Variants in LOC128092252 observed in about 807,000 individuals in gnomAD.
the LOC128092252 span, among the ~76,000 whole-genome samples, chr15:50,668,403 A>T: frequency 6.6e-6 from 1 of 152,226 alleles, no homozygotes; most frequent in Admixed American, 6.5e-5. Context: ...TGAGTAAAGT[A>T]TACTCCTGTG....
At chr15:50,672,219 A>G in the LOC128092252 span, among the ~76,000 whole-genome samples, 6 of 151,964 alleles carry the variant, frequency 3.9e-5, no homozygotes, top group Non-Finnish European at 7.4e-5. Flanking sequence ...ACACCCAGCT[A>G]ATTTTTTGTA....
At chr15:50,678,905 G>A in the LOC128092252 span, among the ~76,000 whole-genome samples, 813 of 152,112 alleles carry the variant, frequency 5.3e-3, 8 homozygotes, top group African/African-American at 0.019. Context: ...ACGAAGTCTC[G>A]CTCTGTCACC....
chr15:50,659,505 A>T, the LOC128092252 span, among the ~76,000 whole-genome samples: 1 of 152,198 alleles, frequency 6.6e-6, no homozygotes. Flanking sequence ...CTGTAGAAAG[A>T]AGTGACGAGC....
chr15:50,677,383 G>C, the LOC128092252 span, among the ~76,000 whole-genome samples: 1 of 151,946 alleles, frequency 6.6e-6, no homozygotes, highest in East Asian at 1.9e-4. Context: ...CGGGGAGCGA[G>C]GGAGATCACA....
chr15:50,680,842 C>A, the LOC128092252 span, among the ~76,000 whole-genome samples: 1 of 152,160 alleles, frequency 6.6e-6, no homozygotes, highest in African/African-American at 2.4e-5. Context: ...AGGTCAACAC[C>A]TACTCTACCA....
chr15:50,671,401 T>C, the LOC128092252 span, among the ~76,000 whole-genome samples: 1 of 152,188 alleles, frequency 6.6e-6, no homozygotes, highest in Non-Finnish European at 1.5e-5. Context: ...TCTTTAAGAT[T>C]GAATGATATT....
chr15:50,679,536 ATATTTTT>A, the LOC128092252 span, among the ~76,000 whole-genome samples: 16 of 48,958 alleles, frequency 3.3e-4, no homozygotes, highest in East Asian at 3.3e-3. Context: ...ATATATATAT[ATATTTTT>A]TTTTTTTTTT....
chr15:50,652,073 C>G, the LOC128092252 span, among the ~76,000 whole-genome samples: 1 of 151,676 alleles, frequency 6.6e-6, no homozygotes, highest in Non-Finnish European at 1.5e-5. Context: ...TGGCTCATGC[C>G]TGTAATCCCA....
At chr15:50,670,889 G>A in the LOC128092252 span, among the ~76,000 whole-genome samples, 1 of 151,106 alleles carries the variant, frequency 6.6e-6, no homozygotes, top group South Asian at 2.1e-4. Flanking sequence ...AACATATTAA[G>A]TAGGCCAGGT....
At chr15:50,670,855 C>G in the LOC128092252 span, among the ~76,000 whole-genome samples, 2 of 143,288 alleles carry the variant, frequency 1.4e-5, no homozygotes, top group Non-Finnish European at 3.1e-5. Context: ...ATACTATCAA[C>G]AACTCTGTGC....
the LOC128092252 span, among the ~76,000 whole-genome samples, chr15:50,652,386 G>A: frequency 1.4e-4 from 20 of 144,664 alleles, no homozygotes; most frequent in African/African-American, 4.1e-4. Flanking sequence ...GAGAAAAATC[G>A]TGGGGGAAAG....
At chr15:50,679,360 C>T in the LOC128092252 span, among the ~76,000 whole-genome samples, 90 of 149,794 alleles carry the variant, frequency 6.0e-4, 1 homozygote, top group African/African-American at 1.5e-3. Context: ...AAAACTTGGA[C>T]GCTTGGACGT....
chr15:50,685,582 G>A, the LOC128092252 span, among the ~76,000 whole-genome samples: 12 of 152,178 alleles, frequency 7.9e-5, no homozygotes, highest in Non-Finnish European at 1.5e-4. Context: ...TTGAATTAGC[G>A]TCCAGTGAAA....
At chr15:50,662,898 T>C in the LOC128092252 span, 1 of 1,125,106 alleles carries the variant, frequency 8.9e-7, no homozygotes, top group Non-Finnish European at 1.3e-6. Context: ...TTGTTTCCAA[T>C]AAAGAAATAA....
At chr15:50,686,490 C>T in the LOC128092252 span, 3 of 1,614,128 alleles carry the variant, frequency 1.9e-6, no homozygotes, top group South Asian at 2.2e-5. Context: ...CGCCCGCAAC[C>T]CCAGAACCAT....
chr15:50,667,443 C>T, the LOC128092252 span, among the ~76,000 whole-genome samples: 18 of 152,180 alleles, frequency 1.2e-4, no homozygotes, highest in Non-Finnish European at 2.5e-4. Context: ...CAGTGGTTCA[C>T]GCCTGTAATC....
the LOC128092252 span, chr15:50,662,945 G>A: frequency 3.2e-6 from 5 of 1,565,118 alleles, no homozygotes; most frequent in Non-Finnish European, 8.8e-7. Context: ...GAAGACCCCA[G>A]AAGTAACAAA....
the LOC128092252 span, among the ~76,000 whole-genome samples, chr15:50,657,978 A>G: frequency 6.6e-6 from 1 of 151,998 alleles, no homozygotes; most frequent in Admixed American, 6.6e-5. Flanking sequence ...TATAATTCAA[A>G]TAACTATTTT....
At chr15:50,671,162 C>T in the LOC128092252 span, among the ~76,000 whole-genome samples, 1 of 152,044 alleles carries the variant, frequency 6.6e-6, no homozygotes, top group African/African-American at 2.4e-5. Context: ...ATTATTCTTC[C>T]TAACTGAAAT....
Sources: gnomAD v4.1 joint callset for allele counts (sites outside exome capture counted in the v4.1 genomes callset) on GRCh38, gnomAD v4.1.1 for gene constraint, MANE v1.5 for transcripts.